Variants in COBLL1 observed in about 807,000 individuals in gnomAD.
The protein encoded by COBLL1 is cordon-bleu protein-like 1.
In COBLL1, 50 loss-of-function variants were observed where a neutral mutation model predicts 94.8. The ratio of observed to expected loss-of-function variants is 0.53; its 90% CI spans 0.42 to 0.67. The LOEUF is 0.67. Among genes scored for constraint, COBLL1 ranks in the 30% least tolerant of loss-of-function variants. COBLL1 has a pLI of 0.00. For synonymous variants in COBLL1, 448 were observed against 473.8 expected, an observed-to-expected ratio of 0.95 and a Z score of 0.71; for missense variants, 1,362 against 1,348.7, an observed-to-expected ratio of 1.01 and a Z score of -0.15.
In COBLL1 at chr2:164,695,559, G is replaced by A; in HGVS notation, c.1833C>T (p.Asn611=). 6.2e-7 allele frequency: 1 copy of A among 1,613,944 alleles called. No individual in the cohort carries two copies. The highest frequency in any genetic ancestry group is 8.5e-7 in the Non-Finnish European group (1 of 1,179,922). ...DAAIQTTPSC[N]SFDGKHQDHN... ...GATCTTGGTGTTTCCCATCAAAACT[G>A]TTACAAGAAGGGGTTGTCTGAATTG... The change falls in exon 12 of 14, where the codon AAC becomes AAT. Residue 611 remains asparagine (N), a synonymous_variant. Transcript: ENST00000652658.
At chr2:164,754,184 G>C (rs185424009) in intron 2 of COBLL1, among the ~76,000 whole-genome samples, 8 of 152,056 alleles carry the variant, frequency 5.3e-5, no homozygotes, top group Non-Finnish European at 7.4e-5. Flanking sequence ...ATATCTATTG[G>C]TAATTATTGT....
At chr2:164,721,571 T>G (rs1685443663) in intron 7 of COBLL1, among the ~76,000 whole-genome samples, 1 of 152,230 alleles carries the variant, frequency 6.6e-6, no homozygotes, top group South Asian at 2.1e-4. Flanking sequence ...AAGGCTCATT[T>G]TCTTTTTTCA....
intron 2 of COBLL1, chr2:164,761,565 G>C (rs1191522865): frequency 1.3e-5 from 2 of 152,020 alleles, no homozygotes; most frequent in Non-Finnish European, 1.5e-5. Context: ...AAGGTGTGTA[G>C]AGAAAATATA....
intron 2 of COBLL1, among the ~76,000 whole-genome samples, chr2:164,762,599 A>C (rs926344786): frequency 1.3e-5 from 2 of 152,260 alleles, no homozygotes; most frequent in Non-Finnish European, 2.9e-5. Flanking sequence ...TAGCCTGGTA[A>C]AAGCATCTGA....
chr2:164,761,847 T>C (rs896614777), intron 2 of COBLL1, among the ~76,000 whole-genome samples: 2 of 152,224 alleles, frequency 1.3e-5, no homozygotes, highest in East Asian at 3.8e-4. Flanking sequence ...CATACAGGTA[T>C]ACAATTTTCA....
chr2:164,809,433 T>C (rs1326246296), intron 2 of COBLL1, among the ~76,000 whole-genome samples: 5 of 151,984 alleles, frequency 3.3e-5, no homozygotes. Flanking sequence ...ATCCACAAAA[T>C]CAGGATATTA....
At chr2:164,666,162 A>T (rs573878364) in intron 1 of COBLL1, among the ~76,000 whole-genome samples, 1 of 152,328 alleles carries the variant, frequency 6.6e-6, no homozygotes, top group Non-Finnish European at 1.5e-5. Context: ...AACTCTAAAC[A>T]TGAAGTATAG....
At chr2:164,808,387 C>G (rs1171024082) in intron 2 of COBLL1, among the ~76,000 whole-genome samples, 1 of 152,074 alleles carries the variant, frequency 6.6e-6, no homozygotes, top group East Asian at 1.9e-4. Context: ...ATTTTTGAGT[C>G]TAGTTCTAAT....
At chr2:164,770,039 T>C (rs1688132447) in intron 2 of COBLL1, among the ~76,000 whole-genome samples, 4 of 152,204 alleles carry the variant, frequency 2.6e-5, no homozygotes, top group Admixed American at 2.0e-4. Flanking sequence ...CAGGAGATTA[T>C]ATATGAATTA....
chr2:164,761,879 T>C (rs1161895675), intron 2 of COBLL1, among the ~76,000 whole-genome samples: 3 of 152,190 alleles, frequency 2.0e-5, no homozygotes, highest in African/African-American at 7.2e-5. Context: ...GGCAGCTCTA[T>C]GCCAAGTACC....
chr2:164,794,201 T>A (rs1357581371), intron 2 of COBLL1, among the ~76,000 whole-genome samples: 2 of 152,186 alleles, frequency 1.3e-5, no homozygotes, highest in Non-Finnish European at 2.9e-5. Context: ...GGGGTGGAAG[T>A]TGAACCACAG....
rs948510621 is a variant in COBLL1 at position 164,810,879 on chromosome 2, T to A, written c.41+30277A>T. 2.0e-5 allele frequency among the ~76,000 whole-genome samples: 3 copies of A among 151,962 alleles called. No homozygotes were observed. In the East Asian group the frequency reaches 5.8e-4, roughly 29 times the overall value. ...TTTGTCAAAACATTCTTACTGACTTTGAACAGAAATTGCTTAACTTCAAGT... is the reference window on the plus strand; with the variant it reads ...TTTGTCAAAACATTCTTACTGACTTAGAACAGAAATTGCTTAACTTCAAGT... On this transcript the variant is annotated intron_variant, in intron 2 of 13. Transcript: ENST00000652658.
chr2:164,726,182 T>C (rs936626504), intron 5 of COBLL1, among the ~76,000 whole-genome samples: 22 of 152,200 alleles, frequency 1.4e-4, no homozygotes, highest in Admixed American at 1.1e-3. Context: ...CTTAGGATTA[T>C]GCAGATAGAG....
chr2:164,839,369 G>C lies in COBLL1; in HGVS notation c.41+1787C>G, dbSNP rs562766299. 5.5e-5 allele frequency among the ~76,000 whole-genome samples: 8 copies of C among 145,006 alleles called. No homozygotes were observed. The South Asian group carries it at 1.7e-3, about 31-fold the overall frequency. ...ACACTTTGGGAAGCCAAGGTGAGAGGATTGCTTGAAGCCTGGGGTTTCGGA... is the reference window on the plus strand; with the variant it reads ...ACACTTTGGGAAGCCAAGGTGAGAGCATTGCTTGAAGCCTGGGGTTTCGGA... On this transcript the variant is annotated intron_variant, in intron 2 of 13. Coordinates refer to ENST00000652658, the MANE Select transcript of COBLL1 (RefSeq NM_001365672.2).
At chr2:164,676,285 C>T (rs1457143044), downstream of COBLL1, among the ~76,000 whole-genome samples, 1 of 152,084 alleles carries the variant, frequency 6.6e-6, no homozygotes, top group African/African-American at 2.4e-5. Flanking sequence ...ACTAAACACA[C>T]ACATATAAAC....
rs369522398 is a variant in COBLL1 at position 164,730,031 on chromosome 2, A to C, written c.315T>G (p.Ala105=). 1.9e-6 allele frequency: 3 copies of C among 1,613,904 alleles called. No homozygotes were observed. In the African/African-American group the frequency reaches 4.0e-5, roughly 22 times the overall value. Residue 105 remains alanine, a synonymous_variant, in exon 4 of 14, where the codon GCT becomes GCG. Transcript: ENST00000652658. ...PSSYTIDLLS[A]EQNHIKFKPN... ...GCTTAAATTTAATGTGGTTCTGTTC[A>C]GCTGACAACAGATCGATTGTGTAAC...
intron 7 of COBLL1, among the ~76,000 whole-genome samples, chr2:164,711,951 T>A (rs1684920786): frequency 6.6e-6 from 1 of 152,164 alleles, no homozygotes; most frequent in Non-Finnish European, 1.5e-5. Context: ...TGCACATCAC[T>A]GAATTTTATG....
rs868476779 is a variant in COBLL1 at position 164,841,438 on chromosome 2, G to C, written c.-50-192C>G. 1.0e-4 allele frequency: 116 copies of C among 1,153,316 alleles called. No individual in the cohort carries two copies. In the African/African-American group the frequency reaches 1.7e-3, roughly 17 times the overall value. The allele number at this position is 1,153,316 out of a possible 1,614,324, so 71.4% of individuals were successfully genotyped here. On this transcript the variant is annotated intron_variant, in intron 1 of 13. Transcript: ENST00000652658. The surrounding 1 kb of genome is among the most constrained non-coding windows in gnomAD (Gnocchi z 5.5). The stretch of plus-strand genomic sequence containing the variant: ...CCGCCGTCTCTACAAGGTCTAGCGG[G>C]CGCCCAGAGCACGGCGGAGGAGGCG...
intron 2 of COBLL1, among the ~76,000 whole-genome samples, chr2:164,838,352 A>G (rs1278133100): frequency 2.0e-5 from 3 of 152,204 alleles, no homozygotes; most frequent in Middle Eastern, 3.2e-3. Context: ...CCATAAAACA[A>G]TTTTATTTTC....
Sources: gnomAD v4.1 joint callset for allele counts (sites outside exome capture counted in the v4.1 genomes callset) on GRCh38, gnomAD v4.1.1 for gene constraint, Gnocchi (gnomAD v3.1) non-coding constraint, MANE v1.5 for transcripts, NCBI Gene and HGNC (gene_info 2026-07-23, HGNC 2026-07-21) for gene names.